The following RAPGEF4 variants were observed in gnomAD, a reference collection of about 807,000 sequenced individuals.
RAPGEF4 encodes Rap guanine nucleotide exchange factor 4, also known as RAP guanine-nucleotide-exchange factor (GEF) 4.
RAPGEF4 carries 66 observed loss-of-function variants against 147.9 expected under a neutral mutation model. The observed-to-expected ratio is 0.45, with a 90% CI of 0.37 to 0.55. The LOEUF (loss-of-function observed/expected upper bound fraction) is 0.55. Among genes scored for constraint, RAPGEF4 ranks in the 20% least tolerant of loss-of-function variants. The pLI is 0.00. For synonymous variants in RAPGEF4, 419 were observed against 442.7 expected, an observed-to-expected ratio of 0.95 and a Z score of 0.67; for missense variants, 1,071 against 1,257.3, an observed-to-expected ratio of 0.85 and a Z score of 2.24.
At chr2:173,005,327 G>C (rs1694322569) in intron 17 of RAPGEF4, among the ~76,000 whole-genome samples, 1 of 151,972 alleles carries the variant, frequency 6.6e-6, no homozygotes, top group African/African-American at 2.4e-5. Context: ...CCATATTCTT[G>C]TTTGTACAAC....
intron 6 of RAPGEF4, 65 bp downstream of exon 6, chr2:172,922,365 A>G: frequency 1.4e-6 from 2 of 1,442,170 alleles, no homozygotes; most frequent in Non-Finnish European, 1.9e-6. Flanking sequence ...AATCATGGTA[A>G]CCCTACCAAC....
chr2:172,997,720 TCCA>T lies in RAPGEF4; in HGVS notation c.1579+1167_1579+1169del, dbSNP rs1693509265. ...GGTTAATATTTTAAGCACATTGAGCTCCATAGAAGAGCCTTTCTCACTAAAAGA... is the reference window on the plus strand; with the variant it reads ...GGTTAATATTTTAAGCACATTGAGCTTAGAAGAGCCTTTCTCACTAAAAGA... On this transcript the variant is annotated intron_variant, in intron 16 of 30. Transcript: ENST00000397081. Among the ~76,000 whole-genome samples the T allele has an allele frequency of 7.9e-5, 12 of 152,254 alleles. No individual in the cohort carries two copies. In the South Asian group the frequency reaches 2.5e-3, roughly 32 times the overall value.
chr2:172,845,814 G>A (rs897412732), intron 4 of RAPGEF4, among the ~76,000 whole-genome samples: 15 of 152,146 alleles, frequency 9.9e-5, no homozygotes, highest in African/African-American at 3.6e-4. Context: ...ACCCCATTAA[G>A]GAAAACTTAC....
chr2:172,738,107 T>G (rs1693977763), intron 1 of RAPGEF4, among the ~76,000 whole-genome samples: 1 of 152,124 alleles, frequency 6.6e-6, no homozygotes, highest in Non-Finnish European at 1.5e-5. Context: ...ATTTATTTAT[T>G]TTTTTTAGGA....
intron 1 of RAPGEF4, among the ~76,000 whole-genome samples, chr2:172,740,115 A>T (rs1290410478): frequency 6.6e-6 from 1 of 152,156 alleles, no homozygotes; most frequent in Non-Finnish European, 1.5e-5. Context: ...TGCAATGGAG[A>T]CTGTGGGCCC....
intron 4 of RAPGEF4, among the ~76,000 whole-genome samples, chr2:172,866,789 C>G (rs1694696051): frequency 6.6e-6 from 1 of 152,050 alleles, no homozygotes; most frequent in Admixed American, 6.6e-5. Context: ...CTACCACCAC[C>G]AATTTTGTTG....
intron 4 of RAPGEF4, among the ~76,000 whole-genome samples, chr2:172,835,612 G>C (rs1303544282): frequency 1.3e-5 from 2 of 151,240 alleles, no homozygotes; most frequent in Non-Finnish European, 2.9e-5. Flanking sequence ...CTGAGTGAAA[G>C]AATTTCATTA....
chr2:172,910,991 T>A (rs529208240), intron 4 of RAPGEF4, among the ~76,000 whole-genome samples: 1 of 152,252 alleles, frequency 6.6e-6, no homozygotes, highest in Admixed American at 6.5e-5. Context: ...TGAGAGATAG[T>A]GTTATATTCA....
chr2:172,836,241 G>A (rs1218890422), intron 4 of RAPGEF4, among the ~76,000 whole-genome samples: 2 of 152,180 alleles, frequency 1.3e-5, no homozygotes, highest in African/African-American at 4.8e-5. Context: ...GGACACATAT[G>A]CCTGCATAAA....
At chr2:172,781,662 G>A (rs886082260) in intron 1 of RAPGEF4, among the ~76,000 whole-genome samples, 2 of 152,060 alleles carry the variant, frequency 1.3e-5, no homozygotes, top group African/African-American at 4.8e-5. Context: ...CCAGGACCCC[G>A]CTTGGATACC....
At chr2:172,780,045 C>T (rs536684159) in intron 1 of RAPGEF4, among the ~76,000 whole-genome samples, 23 of 152,096 alleles carry the variant, frequency 1.5e-4, no homozygotes, top group South Asian at 8.3e-4. Context: ...TAATAAATGA[C>T]GGCATGTTAC....
intron 1 of RAPGEF4, among the ~76,000 whole-genome samples, chr2:172,761,492 A>G (rs111594730): frequency 1.4e-3 from 206 of 152,260 alleles, no homozygotes; most frequent in African/African-American, 4.4e-3. Flanking sequence ...GTCAACCCAG[A>G]ATTCTATACC....
intron 3 of RAPGEF4, among the ~76,000 whole-genome samples, chr2:172,807,449 A>T (rs1310171102): frequency 1.3e-5 from 2 of 152,272 alleles, no homozygotes; most frequent in African/African-American, 4.8e-5. Context: ...GTTAGAAAAC[A>T]CATTTGCCTG....
chr2:172,870,076 G>T (rs544996110), intron 4 of RAPGEF4, among the ~76,000 whole-genome samples: 12 of 152,110 alleles, frequency 7.9e-5, no homozygotes, highest in Middle Eastern at 3.4e-3. Context: ...CCCGAGTCCC[G>T]CTGCCTTCCT....
chr2:172,924,459 G>A (rs2150062103), intron 6 of RAPGEF4, among the ~76,000 whole-genome samples: 1 of 152,342 alleles, frequency 6.6e-6, no homozygotes, highest in Admixed American at 6.5e-5. Flanking sequence ...CCTAATACTA[G>A]TAGTAGTATA....
chr2:172,780,119 T>C (rs1279203064), intron 1 of RAPGEF4, among the ~76,000 whole-genome samples: 1 of 152,116 alleles, frequency 6.6e-6, no homozygotes, highest in African/African-American at 2.4e-5. Flanking sequence ...CCTGTACACC[T>C]CTGAGTTCTT....
At chr2:173,001,993 C>CAAAGAAAAAAAAAAAAAAAAAA (rs1693970482) in intron 17 of RAPGEF4, among the ~76,000 whole-genome samples, 1 of 79,312 alleles carries the variant, frequency 1.3e-5, no homozygotes, top group African/African-American at 4.2e-5. Context: ...GTGATGCTGG[C>CAAAGAAAAAAAAAAAAAAAAAA]AAAAAAAAAA....
At chr2:173,016,880 T>C (rs548040343) in intron 19 of RAPGEF4, among the ~76,000 whole-genome samples, 21 of 152,342 alleles carry the variant, frequency 1.4e-4, no homozygotes, top group Admixed American at 9.1e-4. Context: ...ACTTGAACTA[T>C]AGATTAAATG....
chr2:172,819,799 T>C, intron 4 of RAPGEF4, among the ~76,000 whole-genome samples: 1 of 152,198 alleles, frequency 6.6e-6, no homozygotes, highest in Non-Finnish European at 1.5e-5. Context: ...TAATTTACAA[T>C]TTAAACTCTT....
Sources: allele counts gnomAD v4.1 joint callset (sites outside exome capture counted in the v4.1 genomes callset), GRCh38; gene constraint gnomAD v4.1.1; transcripts MANE v1.5; gene names NCBI Gene and HGNC (gene_info 2026-07-23, HGNC 2026-07-21).